CD1B: variants seen among roughly 807,000 people sequenced by gnomAD.
CD1B encodes T-cell surface glycoprotein CD1b.
CD1B carries 43 observed loss-of-function variants against 39.8 expected under a neutral mutation model. The observed-to-expected ratio is 1.08, with a 90% CI of 0.85 to 1.39. The LOEUF is 1.39. CD1B is among the 40% of genes most tolerant of loss of function. The pLI, the probability that CD1B is intolerant of heterozygous loss-of-function variation, is 0.00. For missense variants in CD1B, 495 were observed against 403.8 expected, an observed-to-expected ratio of 1.23 and a Z score of -1.94; for synonymous variants, 192 against 152.5, an observed-to-expected ratio of 1.26 and a Z score of -1.91.
the CD1B span, chr1:158,291,982 G>C: frequency 2.5e-6 from 3 of 1,211,432 alleles, no homozygotes; most frequent in Non-Finnish European, 3.5e-6. Context: ...TCACATCCAT[G>C]TAAAACTTTC....
the CD1B span, among the ~76,000 whole-genome samples, chr1:158,321,779 T>C: frequency 6.6e-6 from 1 of 152,194 alleles, no homozygotes; most frequent in African/African-American, 2.4e-5. Context: ...TTATTTTAAG[T>C]CCAGGGGTAC....
chr1:158,289,992 C>T, the CD1B span: 6 of 1,382,984 alleles, frequency 4.3e-6, no homozygotes, highest in South Asian at 7.1e-5. Context: ...AATATAGGTA[C>T]AGAGGGATAA....
the CD1B span, among the ~76,000 whole-genome samples, chr1:158,306,112 CT>C: frequency 5.3e-5 from 8 of 152,280 alleles, 1 homozygote; most frequent in African/African-American, 1.9e-4. Context: ...GGGCTAAATG[CT>C]CCAATTAAAA....
At chr1:158,314,986 T>A in the CD1B span, among the ~76,000 whole-genome samples, 1 of 147,980 alleles carries the variant, frequency 6.8e-6, no homozygotes, top group Non-Finnish European at 1.5e-5. Flanking sequence ...GGACATGAAC[T>A]CATCATTTTT....
the CD1B span, among the ~76,000 whole-genome samples, chr1:158,295,226 A>T: frequency 1.6e-4 from 25 of 152,036 alleles, no homozygotes; most frequent in Non-Finnish European, 5.9e-5. Context: ...CTCTGAGAAG[A>T]TCATTGGAAA....
the CD1B span, chr1:158,292,864 C>CCTCT: frequency 1.9e-5 from 31 of 1,613,866 alleles, no homozygotes; most frequent in Non-Finnish European, 2.5e-5. Flanking sequence ...AGGACATCAT[C>CCTCT]CTCTACTGGG....
At chr1:158,310,559 A>T in the CD1B span, among the ~76,000 whole-genome samples, 9 of 152,208 alleles carry the variant, frequency 5.9e-5, no homozygotes, top group African/African-American at 9.6e-5. Context: ...ATACTTGCAA[A>T]CTATGTGTAT....
At chr1:158,313,216 G>A in the CD1B span, among the ~76,000 whole-genome samples, 1 of 152,090 alleles carries the variant, frequency 6.6e-6, no homozygotes, top group Non-Finnish European at 1.5e-5. Flanking sequence ...TTTAAAGGCT[G>A]GTCTTTTAAG....
the CD1B span, among the ~76,000 whole-genome samples, chr1:158,321,561 A>ACT: frequency 6.6e-6 from 1 of 152,186 alleles, no homozygotes; most frequent in Non-Finnish European, 1.5e-5. Context: ...CTTCTTTCCT[A>ACT]GTTATTTTGT....
the CD1B span, among the ~76,000 whole-genome samples, chr1:158,296,982 C>T: frequency 6.6e-6 from 1 of 151,882 alleles, no homozygotes; most frequent in Non-Finnish European, 1.5e-5. Context: ...CACTGATGTC[C>T]CTGAAAGAGA....
chr1:158,319,175 G>T, the CD1B span, among the ~76,000 whole-genome samples: 1 of 151,114 alleles, frequency 6.6e-6, no homozygotes, highest in Non-Finnish European at 1.5e-5. Context: ...TATCTTTGTG[G>T]TGTTCTCTGT....
chr1:158,308,335 T>C, the CD1B span, among the ~76,000 whole-genome samples: 1 of 152,062 alleles, frequency 6.6e-6, no homozygotes, highest in South Asian at 2.1e-4. Context: ...TAAAAGAAGA[T>C]ACAAACAAAT....
At chr1:158,329,114 C>T in intron 4 of CD1B, 100 bp from the exon 5 acceptor site, 1 of 1,066,236 alleles carries the variant, frequency 9.4e-7, no homozygotes. Context: ...TGGTCATTTC[C>T]AACTTCCTCT....
downstream of CD1B, among the ~76,000 whole-genome samples, chr1:158,326,285 A>C (rs35136907): frequency 0.065 from 9,891 of 152,204 alleles, 450 homozygotes; most frequent in Non-Finnish European, 0.096. Flanking sequence ...AAATCTATTT[A>C]TATATAGTAA....
chr1:158,314,903 G>A, the CD1B span, among the ~76,000 whole-genome samples: 1,342 of 147,138 alleles, frequency 9.1e-3, 8 homozygotes, highest in Middle Eastern at 0.017. Context: ...GAGAATATGC[G>A]GTGTTTGGTT....
the CD1B span, chr1:158,292,833 G>T: frequency 1.2e-6 from 2 of 1,614,100 alleles, no homozygotes; most frequent in Admixed American, 1.7e-5. Flanking sequence ...TGTCGAGTGA[G>T]ACACAGCAGT....
the CD1B span, among the ~76,000 whole-genome samples, chr1:158,286,183 G>A: frequency 6.6e-6 from 1 of 152,094 alleles, no homozygotes; most frequent in Non-Finnish European, 1.5e-5. Flanking sequence ...GGGCTCCCTC[G>A]GGACAACCCA....
the CD1B span, among the ~76,000 whole-genome samples, chr1:158,314,981 T>A: frequency 1.7e-4 from 25 of 148,210 alleles, no homozygotes; most frequent in African/African-American, 5.3e-4. Flanking sequence ...ACAAAGGACA[T>A]GAACTCATCA....
the CD1B span, among the ~76,000 whole-genome samples, chr1:158,296,082 C>T: frequency 1.3e-5 from 2 of 152,066 alleles, no homozygotes; most frequent in Non-Finnish European, 1.5e-5. Context: ...TGAGTGTGGA[C>T]CCCACCATGC....
Sources: allele counts gnomAD v4.1 joint callset (sites outside exome capture counted in the v4.1 genomes callset), GRCh38; gene constraint gnomAD v4.1.1; transcripts MANE v1.5; gene names NCBI Gene and HGNC (gene_info 2026-07-23, HGNC 2026-07-21).